GAREM1: variants seen among roughly 807,000 people sequenced by gnomAD.
GAREM1 encodes the protein GRB2 associated regulator of MAPK1 subtype 1, also known as GRB2-associated and regulator of MAPK protein 1.
In GAREM1, 26 loss-of-function variants were observed where a neutral mutation model predicts 71.3. The ratio of observed to expected loss-of-function variants is 0.36; its 90% CI spans 0.27 to 0.51. The LOEUF is 0.51. GAREM1 is among the 20% of genes least tolerant of loss of function. The pLI, the probability that GAREM1 is intolerant of heterozygous loss-of-function variation, is 0.95. For missense variants in GAREM1, 1,026 were observed against 1,103.1 expected (o/e 0.93, Z 0.99); for synonymous variants, 440 against 433.2 (o/e 1.02, Z -0.20).
rs549821846 is a variant in GAREM1 at position 32,429,085 on chromosome 18, G to T, written c.122-36050C>A. Among the ~76,000 whole-genome samples the T allele has an allele frequency of 2.8e-4, 42 of 152,076 alleles. 1 individual carries two copies. Among genetic ancestry groups the T allele is most frequent in the Non-Finnish European group, 4.4e-5 (3 of 68,010 alleles). ...CTTGCAATGACACCTTCCTTTTATG[G>T]GGGAGGGGGAACGGGCAAGGTAAGT... On this transcript the variant is annotated intron_variant, in intron 1 of 5. Coordinates refer to ENST00000269209, the MANE Select transcript of GAREM1 (RefSeq NM_001242409.2).
intron 1 of GAREM1, among the ~76,000 whole-genome samples, chr18:32,397,571 G>A (rs1032380752): frequency 6.6e-6 from 1 of 152,132 alleles, no homozygotes; most frequent in Non-Finnish European, 1.5e-5. Flanking sequence ...ATTACATAAT[G>A]GTAAAGGGAT....
At chr18:32,388,239 G>A (rs2048166370) in intron 2 of GAREM1, among the ~76,000 whole-genome samples, 1 of 151,976 alleles carries the variant, frequency 6.6e-6, no homozygotes, top group African/African-American at 2.4e-5. Flanking sequence ...CATAATAGCA[G>A]GTAAGTAAAA....
intron 2 of GAREM1, among the ~76,000 whole-genome samples, chr18:32,317,393 CAAAAAA>C (rs35166372): frequency 1.4e-5 from 1 of 72,592 alleles, no homozygotes. Context: ...CGCTCTGTCA[CAAAAAA>C]AAAAAAAAAA....
intron 1 of GAREM1, among the ~76,000 whole-genome samples, chr18:32,435,006 C>T (rs544838030): frequency 6.6e-6 from 1 of 152,166 alleles, no homozygotes; most frequent in South Asian, 2.1e-4. Context: ...CCGGGAAGAG[C>T]GCATCGTCTC....
At chr18:32,323,826 G>A (rs2047451585) in intron 2 of GAREM1, among the ~76,000 whole-genome samples, 1 of 151,962 alleles carries the variant, frequency 6.6e-6, no homozygotes, top group Non-Finnish European at 1.5e-5. Context: ...AAAAAATTAA[G>A]AGCAGCAAAA....
intron 1 of GAREM1, chr18:32,413,150 C>T (rs1327911420): frequency 2.0e-5 from 31 of 1,557,066 alleles, no homozygotes; most frequent in Non-Finnish European, 2.6e-5. Flanking sequence ...GCTGTTCGGG[C>T]TCTTTAGGAG....
At chr18:32,390,158 G>A (rs2048182307) in intron 2 of GAREM1, among the ~76,000 whole-genome samples, 1 of 152,084 alleles carries the variant, frequency 6.6e-6, no homozygotes, top group Non-Finnish European at 1.5e-5. Context: ...GTGACAGAGT[G>A]ACACCTTGTT....
At chr18:32,351,973 C>G (rs1216001551) in intron 2 of GAREM1, among the ~76,000 whole-genome samples, 1 of 151,804 alleles carries the variant, frequency 6.6e-6, no homozygotes, top group Non-Finnish European at 1.5e-5. Context: ...TACAAATGTC[C>G]CAATTTAAAT....
intron 3 of GAREM1, among the ~76,000 whole-genome samples, chr18:32,309,162 A>G (rs985385758): frequency 6.7e-6 from 1 of 150,192 alleles, no homozygotes; most frequent in Non-Finnish European, 1.5e-5. Context: ...AAAGTGTTTT[A>G]GTGTAATTAT....
chr18:32,313,122 A>T (rs1299010637), intron 2 of GAREM1, among the ~76,000 whole-genome samples: 3 of 152,244 alleles, frequency 2.0e-5, no homozygotes, highest in African/African-American at 7.2e-5. Context: ...GGCATAAAGT[A>T]GCCAGAGATT....
intron 2 of GAREM1, among the ~76,000 whole-genome samples, chr18:32,370,468 A>G (rs1244016596): frequency 6.6e-6 from 1 of 152,008 alleles, no homozygotes; most frequent in Non-Finnish European, 1.5e-5. Flanking sequence ...CATAGGCATA[A>G]CACACAATAT....
In GAREM1 at chr18:32,270,277, C is replaced by T. The variant is rs867526130; in HGVS notation, c.1673G>A (p.Arg558Gln). 2.1e-5 allele frequency: 34 copies of T among 1,613,824 alleles called. No homozygotes were observed. Among genetic ancestry groups the T allele is most frequent in the African/African-American group, 1.2e-4 (9 of 74,884 alleles). The change falls in exon 5 of 6, where the codon CGG becomes CAG. Residue 558 changes from arginine (R) to glutamine (Q), a missense_variant. Physicochemically the swap from Arg to Gln is conservative, Grantham distance 43. This residue lies in a region of GAREM1 where 636 missense variants were observed against 631.2 expected (regional missense o/e 1.01). Coordinates refer to ENST00000269209, the MANE Select transcript of GAREM1 (RefSeq NM_001242409.2). ...SIPPRTVKPA[R>Q]QQTRSPSPTL... ...GGGGCTGGGAGAGCGAGTCTGTTGCCGCGCTGGCTTGACTGTGCGAGGAGG... is the reference window on the plus strand; with the variant it reads ...GGGGCTGGGAGAGCGAGTCTGTTGCTGCGCTGGCTTGACTGTGCGAGGAGG...
chr18:32,401,493 A>G (rs563965672), intron 1 of GAREM1, among the ~76,000 whole-genome samples: 2 of 152,296 alleles, frequency 1.3e-5, no homozygotes, highest in Admixed American at 6.5e-5. Flanking sequence ...ACTTCAGCAG[A>G]GGAGATCAAG....
intron 1 of GAREM1, among the ~76,000 whole-genome samples, chr18:32,404,082 T>C (rs547445822): frequency 2.0e-5 from 3 of 152,300 alleles, no homozygotes; most frequent in Non-Finnish European, 4.4e-5. Flanking sequence ...TTTATGCTGA[T>C]TGTAAGTATT....
chr18:32,350,350 G>A (rs1042805669), intron 2 of GAREM1, among the ~76,000 whole-genome samples: 1 of 152,078 alleles, frequency 6.6e-6, no homozygotes, highest in Admixed American at 6.5e-5. Flanking sequence ...CTATTACAAT[G>A]CACTGATTAG....
chr18:32,278,425 C>T (rs567883272), intron 4 of GAREM1, among the ~76,000 whole-genome samples: 3 of 152,258 alleles, frequency 2.0e-5, no homozygotes, highest in South Asian at 4.2e-4. Flanking sequence ...GTGTAAGGAT[C>T]GTTTTGTTTC....
At chr18:32,412,822 G>A (rs2048433407) in intron 1 of GAREM1, 3 of 695,258 alleles carry the variant, frequency 4.3e-6, no homozygotes, top group Non-Finnish European at 7.5e-6. Flanking sequence ...CTTAGGTGAT[G>A]TTCTTCAGTG....
intron 5 of GAREM1, among the ~76,000 whole-genome samples, chr18:32,269,899 T>C (rs540304525): frequency 8.3e-4 from 127 of 152,206 alleles, no homozygotes; most frequent in Non-Finnish European, 1.5e-3. Flanking sequence ...CGTGTCAAAG[T>C]GGAAAGAACC....
chr18:32,343,428 C>A (rs536033756), intron 2 of GAREM1, among the ~76,000 whole-genome samples: 2 of 151,270 alleles, frequency 1.3e-5, no homozygotes, highest in Admixed American at 6.6e-5. Context: ...GATTCTCCTG[C>A]CTCAGCCTCC....
Sources: gnomAD v4.1 joint callset for allele counts (sites outside exome capture counted in the v4.1 genomes callset) on GRCh38, gnomAD v4.1.1 for gene constraint, gnomAD v4.1.1 regional missense constraint, MANE v1.5 for transcripts, NCBI Gene and HGNC (gene_info 2026-07-23, HGNC 2026-07-21) for gene names.